RXFP1: variants seen among roughly 807,000 people sequenced by gnomAD.
The protein encoded by RXFP1 is relaxin receptor 1.
A neutral mutation model predicts 89.8 loss-of-function variants in RXFP1; 73 were observed. The ratio of observed to expected loss-of-function variants is 0.81; its 90% CI spans 0.67 to 0.99. RXFP1 has a LOEUF of 0.99. RXFP1 is among the 50% of genes least tolerant of loss of function. RXFP1 has a pLI of 0.00. For synonymous variants in RXFP1, 277 were observed against 305.5 expected, an observed-to-expected ratio of 0.91 and a Z score of 0.97; for missense variants, 793 against 895.5, an observed-to-expected ratio of 0.89 and a Z score of 1.46.
intron 1 of RXFP1, among the ~76,000 whole-genome samples, chr4:158,561,735 C>G (rs1554000761): frequency 7.0e-6 from 1 of 143,354 alleles, no homozygotes; most frequent in Non-Finnish European, 1.5e-5. Flanking sequence ...TCAAGTGATT[C>G]TTGTGCATCA....
intron 1 of RXFP1, among the ~76,000 whole-genome samples, chr4:158,542,131 G>T: frequency 1.8e-5 from 1 of 55,570 alleles, no homozygotes; most frequent in East Asian, 6.5e-4. Context: ...GTAGAGACAG[G>T]GTTTCACCAC....
chr4:158,597,154 G>T (rs750452674), intron 3 of RXFP1, among the ~76,000 whole-genome samples: 19 of 152,178 alleles, frequency 1.2e-4, no homozygotes, highest in Non-Finnish European at 1.2e-4. Flanking sequence ...TTAAGTTAAG[G>T]TTCCTAGTGT....
chr4:158,530,433 T>G (rs1162101404), intron 1 of RXFP1, among the ~76,000 whole-genome samples: 2 of 152,222 alleles, frequency 1.3e-5, no homozygotes, highest in Admixed American at 1.3e-4. Context: ...CCTTTTGATA[T>G]TTTAATGGTT....
intron 3 of RXFP1, among the ~76,000 whole-genome samples, chr4:158,598,631 A>G (rs777313261): frequency 4.6e-5 from 7 of 152,164 alleles, no homozygotes; most frequent in Non-Finnish European, 7.4e-5. Flanking sequence ...ACATCCTAAC[A>G]CTATCGCTAC....
At chr4:158,636,148 T>C (rs2150221784) in intron 12 of RXFP1, among the ~76,000 whole-genome samples, 1 of 152,266 alleles carries the variant, frequency 6.6e-6, no homozygotes, top group African/African-American at 2.4e-5. Context: ...CCCAGTGAGT[T>C]GAGAAGCTGG....
chr4:158,540,754 C>T (rs1284794866), intron 1 of RXFP1, among the ~76,000 whole-genome samples: 1 of 152,018 alleles, frequency 6.6e-6, no homozygotes, highest in African/African-American at 2.4e-5. Flanking sequence ...GAATGACCCT[C>T]CCTGCCCCGC....
chr4:158,550,782 C>G (rs1749908942), intron 1 of RXFP1, among the ~76,000 whole-genome samples: 1 of 152,176 alleles, frequency 6.6e-6, no homozygotes, highest in Non-Finnish European at 1.5e-5. Context: ...TCAGACGGAT[C>G]TGCATCTGAA....
intron 1 of RXFP1, among the ~76,000 whole-genome samples, chr4:158,528,478 C>T (rs777191865): frequency 7.9e-5 from 12 of 152,052 alleles, no homozygotes; most frequent in Non-Finnish European, 1.8e-4. Flanking sequence ...GCACTCCAGC[C>T]TAGGCAACAG....
At chr4:158,650,639 A>G (rs1435081974) in intron 17 of RXFP1, among the ~76,000 whole-genome samples, 1 of 151,876 alleles carries the variant, frequency 6.6e-6, no homozygotes, top group Non-Finnish European at 1.5e-5. Flanking sequence ...GCCTGGTGGC[A>G]TGCACTTGTA....
At chr4:158,553,054 T>C (rs1045835296) in intron 1 of RXFP1, among the ~76,000 whole-genome samples, 5 of 151,928 alleles carry the variant, frequency 3.3e-5, no homozygotes, top group Non-Finnish European at 5.9e-5. Flanking sequence ...CCATAAGTGG[T>C]GGAATGATGC....
chr4:158,561,115 C>G (rs1752341988), intron 1 of RXFP1, among the ~76,000 whole-genome samples: 1 of 152,104 alleles, frequency 6.6e-6, no homozygotes, highest in Non-Finnish European at 1.5e-5. Flanking sequence ...AAAATAAAAC[C>G]AATCTCCTTC....
intron 11 of RXFP1, among the ~76,000 whole-genome samples, chr4:158,631,441 C>T (rs766988459): frequency 5.9e-5 from 9 of 152,134 alleles, no homozygotes; most frequent in Admixed American, 5.9e-4. Context: ...GAATAGATAT[C>T]GTTCTTGTAC....
In RXFP1 at chr4:158,603,940, A is replaced by G. The variant is rs140266251; in HGVS notation, c.393-1128A>G. 4.3e-4 allele frequency among the ~76,000 whole-genome samples: 64 copies of G among 148,726 alleles called. 1 individual carries two copies. Among genetic ancestry groups the G allele is most frequent in the African/African-American group, 1.5e-3 (62 of 40,804 alleles). ...ATAATAATAATAATACAGATATACT[A>G]TATATGTTCTTGTGTATATCTGCAT... On this transcript the variant is annotated intron_variant, in intron 4 of 17. Coordinates refer to ENST00000307765, the MANE Select transcript of RXFP1 (RefSeq NM_021634.4).
intron 2 of RXFP1, among the ~76,000 whole-genome samples, chr4:158,589,407 C>G (rs1758952734): frequency 6.6e-6 from 1 of 152,148 alleles, no homozygotes; most frequent in Non-Finnish European, 1.5e-5. Context: ...TGGGTTTCTG[C>G]TTTTATAAAA....
At chr4:158,573,606 C>T (rs1328564277) in intron 2 of RXFP1, among the ~76,000 whole-genome samples, 1 of 152,092 alleles carries the variant, frequency 6.6e-6, no homozygotes, top group Non-Finnish European at 1.5e-5. Flanking sequence ...ACTGGACACC[C>T]TTGTTTTAAC....
At chr4:158,549,452 G>A (rs1381832985) in intron 1 of RXFP1, among the ~76,000 whole-genome samples, 5 of 152,086 alleles carry the variant, frequency 3.3e-5, no homozygotes, top group South Asian at 2.1e-4. Flanking sequence ...CTCTCAGCTC[G>A]TCAAACTCAT....
chr4:158,544,124 T>G, intron 1 of RXFP1: 1 of 980,776 alleles, frequency 1.0e-6, no homozygotes, highest in Non-Finnish European at 1.2e-6. Context: ...ATTTACTTCC[T>G]AAATATAAAT....
intron 1 of RXFP1, among the ~76,000 whole-genome samples, chr4:158,541,477 A>C (rs1746619559): frequency 6.6e-6 from 1 of 152,050 alleles, no homozygotes. Flanking sequence ...AAATAGTGGA[A>C]ATTTTAAAAC....
At chr4:158,628,499 T>C (rs1767365036) in intron 10 of RXFP1, 139 bp from the exon 11 acceptor site, 1 of 417,306 alleles carries the variant, frequency 2.4e-6, no homozygotes, top group Non-Finnish European at 4.4e-6. Flanking sequence ...AATTGGATAA[T>C]TTATACTACT....
Sources: gnomAD v4.1 joint callset for allele counts (sites outside exome capture counted in the v4.1 genomes callset) on GRCh38, gnomAD v4.1.1 for gene constraint, MANE v1.5 for transcripts, NCBI Gene and HGNC (gene_info 2026-07-23, HGNC 2026-07-21) for gene names.